The following HEG1 variants were observed in gnomAD, a reference collection of about 807,000 sequenced individuals.
HEG1 encodes the protein protein HEG homolog 1.
In HEG1, 56 loss-of-function variants were observed where a neutral mutation model predicts 125.6. That is an observed-to-expected ratio of 0.45 (90% CI 0.36 to 0.56). HEG1 has a LOEUF of 0.56. Ranked by LOEUF, HEG1 falls within the 20% of genes least tolerant of loss-of-function variation. The pLI is 0.00. For synonymous variants in HEG1, 644 were observed against 668.5 expected (o/e 0.96, Z 0.57); for missense variants, 1,523 against 1,670.0 (o/e 0.91, Z 1.53).
At chr3:125,040,394 C>T (rs1168978582) in intron 1 of HEG1, among the ~76,000 whole-genome samples, 2 of 152,050 alleles carry the variant, frequency 1.3e-5, no homozygotes, top group Non-Finnish European at 2.9e-5. Flanking sequence ...GCAGTGAGAC[C>T]AGCCCTACAG....
chr3:125,048,481 G>A (rs1452935357), intron 1 of HEG1, among the ~76,000 whole-genome samples: 1 of 152,236 alleles, frequency 6.6e-6, no homozygotes, highest in Non-Finnish European at 1.5e-5. Flanking sequence ...CCCCCTGCCT[G>A]GAAGGCTCTT....
At chr3:125,014,787 G>T (rs1337247531) in intron 5 of HEG1, 3 of 1,289,734 alleles carry the variant, frequency 2.3e-6, no homozygotes, top group Non-Finnish European at 3.0e-6. Flanking sequence ...GTGCAGAGAG[G>T]CACCCTCTGT....
chr3:125,010,593 C>T (rs1228645865), intron 6 of HEG1, 38 bp from the exon 7 acceptor site: 43 of 1,240,650 alleles, frequency 3.5e-5, no homozygotes, highest in Non-Finnish European at 4.5e-5. Context: ...GTTAACCACA[C>T]AGGAAATGTA....
rs1047053750 is a variant in HEG1, at chr3:124,990,685, A to T, written c.3733+102T>A. The T allele has an allele frequency of 4.5e-6, 5 of 1,107,488 alleles. No individual in the cohort carries two copies. In the African/African-American group the frequency reaches 6.3e-5, roughly 14 times the overall value. The allele number at this position is 1,107,488 out of a possible 1,614,324, so 68.6% of individuals were successfully genotyped here. A position where few individuals can be genotyped will look rare whatever the true frequency, so the allele number is the denominator to read the frequency against. Reference sequence around the variant, plus strand: ...CCATTGGCATAGAACCTAAGAAGACAGCAGGTGTGAACTGAGGGAAGTGGG... The same window carrying T: ...CCATTGGCATAGAACCTAAGAAGACTGCAGGTGTGAACTGAGGGAAGTGGG... On this transcript the variant is annotated intron_variant, in intron 14 of 16. Coordinates refer to ENST00000311127, the MANE Select transcript of HEG1 (RefSeq NM_020733.2).
Position 124,990,778 on chromosome 3 carries a change from T to G in HEG1, c.3733+9A>C. 1 of 1,558,814 alleles carries G rather than the reference T, an allele frequency of 6.4e-7. No homozygotes were observed. The highest frequency in any genetic ancestry group is 8.7e-7 in the Non-Finnish European group (1 of 1,150,618). On this transcript the variant is annotated intron_variant, in intron 14 of 16. Coordinates refer to ENST00000311127, the MANE Select transcript of HEG1 (RefSeq NM_020733.2). ...GCCCACGCATAATGGTCCACTTTTG[T>G]ACACTTACGGTTTCCACAGTTGAGA...
At chr3:125,017,738 T>C (rs1190297076) in intron 5 of HEG1, among the ~76,000 whole-genome samples, 1 of 152,046 alleles carries the variant, frequency 6.6e-6, no homozygotes, top group Non-Finnish European at 1.5e-5. Flanking sequence ...TGAAAATTTA[T>C]GGCCAGGCAT....
chr3:125,043,263 G>C (rs1937610994), intron 1 of HEG1, among the ~76,000 whole-genome samples: 1 of 152,172 alleles, frequency 6.6e-6, no homozygotes, highest in African/African-American at 2.4e-5. Flanking sequence ...GGGAGGCCTG[G>C]CCTGGAGCTC....
Position 125,013,471 on chromosome 3 carries a change from T to C in HEG1, c.2108A>G (p.Lys703Arg). Residue 703 changes from lysine (K) to arginine (R), a missense_variant, in exon 6 of 17, where the codon AAG (lysine) becomes AGG (arginine). Physicochemically the swap from Lys to Arg is conservative, Grantham distance 26. Transcript: ENST00000311127. ...PSTRASVHLL[K>R]STSDASTPWS... ...TGGTGTGGATGCATCAGAGGTAGAC[T>C]TTAGTAGATGCACAGAGGCCCTGGT... 1.9e-6 allele frequency: 3 copies of C among 1,613,814 alleles called. No individual in the cohort carries two copies. The highest frequency in any genetic ancestry group is 2.5e-6 in the Non-Finnish European group (3 of 1,179,864).
chr3:124,997,525 G>A (rs1426975177), intron 12 of HEG1, among the ~76,000 whole-genome samples, 164 bp downstream of exon 12: 1 of 152,208 alleles, frequency 6.6e-6, no homozygotes, highest in Non-Finnish European at 1.5e-5. Flanking sequence ...ATTCCAAGGA[G>A]ATAATGTATT....
chr3:125,052,908 G>A (rs550042024), intron 1 of HEG1, among the ~76,000 whole-genome samples: 1 of 152,356 alleles, frequency 6.6e-6, no homozygotes, highest in South Asian at 2.1e-4. Context: ...GAAGAGAAGA[G>A]CTGGAAATGG....
chr3:125,018,571 T>C (rs1001085395), intron 5 of HEG1, among the ~76,000 whole-genome samples: 16 of 152,280 alleles, frequency 1.1e-4, no homozygotes, highest in Non-Finnish European at 2.1e-4. Flanking sequence ...GAGAATTTAT[T>C]TGGATGAATG....
chr3:125,013,373 T>C lies in HEG1; in HGVS notation c.2206A>G (p.Thr736Ala), dbSNP rs759839708. 8 of 1,613,932 alleles carry C rather than the reference T, an allele frequency of 5.0e-6. No individual in the cohort carries two copies. The highest frequency in any genetic ancestry group is 6.8e-6 in the Non-Finnish European group (8 of 1,179,878). ...GTAGAAGATGACTGTGGCAAGGTTGTTTGTGAGACAGAAAGTGGGGCAGAT... is the reference window on the plus strand; with the variant it reads ...GTAGAAGATGACTGTGGCAAGGTTGCTTGTGAGACAGAAAGTGGGGCAGAT... ...STSAPLSVSQTTLPQSSSTPV... is the reference protein window; with the variant it reads ...STSAPLSVSQATLPQSSSTPV... Residue 736 changes from threonine to alanine, a missense_variant, in exon 6 of 17, where the codon ACA (threonine) becomes GCA (alanine). Transcript: ENST00000311127.
chr3:125,017,573 C>T (rs542999923), intron 5 of HEG1, among the ~76,000 whole-genome samples: 1 of 152,270 alleles, frequency 6.6e-6, no homozygotes, highest in South Asian at 2.1e-4. Context: ...TGGATAATTA[C>T]AAGTGTTGGT....
chr3:125,020,374 C>T (rs545515153), intron 4 of HEG1, among the ~76,000 whole-genome samples: 3 of 152,192 alleles, frequency 2.0e-5, no homozygotes, highest in East Asian at 3.9e-4. Flanking sequence ...TGCAGTGAGC[C>T]GTAATCATGC....
intron 12 of HEG1, among the ~76,000 whole-genome samples, chr3:124,995,048 T>C (rs1294294348): frequency 2.6e-5 from 4 of 152,146 alleles, no homozygotes; most frequent in African/African-American, 9.6e-5. Context: ...CCTGTAATCC[T>C]AGCACTTTGG....
intron 1 of HEG1, among the ~76,000 whole-genome samples, chr3:125,047,146 A>G (rs1004319151): frequency 6.6e-6 from 1 of 152,256 alleles, no homozygotes; most frequent in African/African-American, 2.4e-5. Context: ...AACGAGGGGA[A>G]GACCAGTTAA....
At chr3:125,044,174 C>T (rs1937627934) in intron 1 of HEG1, among the ~76,000 whole-genome samples, 1 of 152,204 alleles carries the variant, frequency 6.6e-6, no homozygotes, top group Non-Finnish European at 1.5e-5. Flanking sequence ...GCTCCAGGGC[C>T]TCCGAGGGGA....
At chr3:125,022,432 T>C (rs1281939201) in intron 3 of HEG1, among the ~76,000 whole-genome samples, 1 of 120,794 alleles carries the variant, frequency 8.3e-6, no homozygotes, top group African/African-American at 3.2e-5. Context: ...AGAGCATGCA[T>C]GGGAAACAAA....
chr3:124,986,553 A>G (rs1936744309), intron 14 of HEG1, among the ~76,000 whole-genome samples: 1 of 152,240 alleles, frequency 6.6e-6, no homozygotes, highest in African/African-American at 2.4e-5. Context: ...AGCCACTATA[A>G]TATTAACTGT....
Sources: gnomAD v4.1 joint callset for allele counts (sites outside exome capture counted in the v4.1 genomes callset) on GRCh38, gnomAD v4.1.1 for gene constraint, MANE v1.5 for transcripts, NCBI Gene and HGNC (gene_info 2026-07-23, HGNC 2026-07-21) for gene names.